The following CACNA1H variants were observed in gnomAD, a reference collection of about 807,000 sequenced individuals.
CACNA1H encodes the protein voltage-dependent T-type calcium channel subunit alpha-1H.
Under a neutral mutation model 192.5 loss-of-function variants are expected in CACNA1H, and 149 were observed. The observed-to-expected ratio is 0.77, with a 90% CI of 0.68 to 0.89. The LOEUF is 0.89. Among genes scored for constraint, CACNA1H ranks in the 40% least tolerant of loss-of-function variants. The pLI is 0.00. For missense variants in CACNA1H, 4,257 were observed against 3,423.5 expected (o/e 1.24, Z -6.08); for synonymous variants, 2,202 against 1,475.2 (o/e 1.49, Z -11.29).
At chr16:1,186,930 C>T (rs1395454118) in intron 2 of CACNA1H, among the ~76,000 whole-genome samples, 1 of 152,164 alleles carries the variant, frequency 6.6e-6, no homozygotes, top group African/African-American at 2.4e-5. Flanking sequence ...TGGACACGGA[C>T]ACAGGGCTGG....
chr16:1,209,861 C>T (rs574564121), intron 17 of CACNA1H, among the ~76,000 whole-genome samples, 174 bp from the exon 18 acceptor site: 2 of 152,178 alleles, frequency 1.3e-5, no homozygotes, highest in Admixed American at 6.5e-5. Context: ...GGAGGCTCCA[C>T]GGTATGGGCC....
At chr16:1,197,948 C>T (rs1272009457) in intron 5 of CACNA1H, among the ~76,000 whole-genome samples, 1 of 152,164 alleles carries the variant, frequency 6.6e-6, no homozygotes, top group Non-Finnish European at 1.5e-5. Context: ...CCATAGCACC[C>T]AGGACCGATG....
At chr16:1,164,412 C>T (rs983842807) in intron 2 of CACNA1H, among the ~76,000 whole-genome samples, 1 of 152,150 alleles carries the variant, frequency 6.6e-6, no homozygotes, top group African/African-American at 2.4e-5. Context: ...CCCTCACTGC[C>T]ACCTCGATCT....
Position 1,210,631 on chromosome 16 carries a change from G to C in CACNA1H, c.4018G>C (p.Val1340Leu). The C allele has an allele frequency of 6.2e-7, 1 of 1,605,746 alleles. No homozygotes were observed. The highest frequency in any genetic ancestry group is 1.7e-5 in the Admixed American group (1 of 59,980). ...VSNYIFTAIF[V>L]AEMMVKVVAL... ...CAATTACATCTTCACGGCCATCTTC[G>C]TGGCGGAGATGATGGTGAAGGTACC... Residue 1340 changes from valine to leucine, a missense_variant, in exon 20 of 35, where the codon GTG (valine) becomes CTG (leucine). By Grantham distance (32) the Val-to-Leu change is conservative. Transcript: ENST00000348261.
chr16:1,159,524 G>C (rs535969438), intron 2 of CACNA1H: 1 of 152,368 alleles, frequency 6.6e-6, no homozygotes, highest in African/African-American at 2.4e-5. Flanking sequence ...GCCTGCCCTC[G>C]GGAGCTTGAG....
rs979470112 is a variant in CACNA1H at position 1,221,614 on chromosome 16, A to G, written c.*620A>G. The G allele has an allele frequency of 2.8e-5, 20 of 717,844 alleles. No individual in the cohort carries two copies. Among genetic ancestry groups the G allele is most frequent in the Admixed American group, 1.3e-4 (4 of 31,706 alleles). 44.5% of individuals were successfully genotyped at this position (717,844 alleles called of 1,614,324 possible). A position where few individuals can be genotyped will look rare whatever the true frequency, so the allele number is the denominator to read the frequency against. ...CCGATGCGAATCAGGCCTCCCCTAC[A>G]TCTGGGGGCGTTGGCCGCGAGATTC... On this transcript the variant is annotated 3_prime_UTR_variant, in exon 35 of 35. Coordinates refer to ENST00000348261, the MANE Select transcript of CACNA1H (RefSeq NM_021098.3).
intron 9 of CACNA1H, among the ~76,000 whole-genome samples, chr16:1,202,874 G>T (rs955786285): frequency 2.0e-5 from 3 of 152,244 alleles, no homozygotes; most frequent in East Asian, 1.9e-4. Flanking sequence ...GACGCTGAGT[G>T]GGGGAGTGTG....
At position 1,220,845 on chromosome 16, in the gene CACNA1H, C is replaced by G. The variant is rs553649904; in HGVS notation, c.6913C>G (p.Pro2305Ala). ...TTCAGGGGCCATAGTGCCCCTGGAACCCCCAGAATCAGAGCCTCCCATGCC... is the reference window on the plus strand; with the variant it reads ...TTCAGGGGCCATAGTGCCCCTGGAAGCCCCAGAATCAGAGCCTCCCATGCC... The part of the protein sequence containing the change: ...SSSGAIVPLE[P>A]PESEPPMPVG... Residue 2305 changes from proline (P) to alanine (A), a missense_variant, in exon 35 of 35, where the codon CCC (proline) becomes GCC (alanine). By Grantham distance (27) the Pro-to-Ala change is conservative (BLOSUM62 -1). Coordinates refer to ENST00000348261, the MANE Select transcript of CACNA1H (RefSeq NM_021098.3). 8 of 1,612,770 alleles carry G rather than the reference C, an allele frequency of 5.0e-6. No homozygotes were observed. Among genetic ancestry groups the G allele is most frequent in the Non-Finnish European group, 6.8e-6 (8 of 1,179,788 alleles).
chr16:1,211,026 C>G lies in CACNA1H; in HGVS notation c.4223+55C>G, dbSNP rs534178346. ...AACCTGGAAGCACAGTCCCCTGACG[C>G]CACTGCCCATTACTCCTCCCGCAGT... On this transcript the variant is annotated intron_variant, in intron 21 of 34. Coordinates refer to ENST00000348261, the MANE Select transcript of CACNA1H (RefSeq NM_021098.3). The G allele has an allele frequency of 2.8e-5, 43 of 1,559,424 alleles. No individual in the cohort carries two copies. The East Asian group carries it at 8.8e-4, about 32-fold the overall frequency.
chr16:1,213,898 C>T lies in CACNA1H; in HGVS notation c.4896C>T (p.Ile1632=), dbSNP rs780858541. 2.5e-6 allele frequency: 4 copies of T among 1,611,960 alleles called. No homozygotes were observed. The highest frequency in any genetic ancestry group is 2.2e-5 in the East Asian group (1 of 44,812). ...CCTTCATCATCTGTGTCAACGTCATCACCATGTCCATGGAGCACTATAACC... is the reference window on the plus strand; with the variant it reads ...CCTTCATCATCTGTGTCAACGTCATTACCATGTCCATGGAGCACTATAACC... ...FITFIICVNV[I]TMSMEHYNQP... Residue 1632 remains isoleucine (I), a synonymous_variant, in exon 27 of 35, where the codon ATC becomes ATT. Coordinates refer to ENST00000348261, the MANE Select transcript of CACNA1H (RefSeq NM_021098.3).
At chr16:1,198,530 G>A (rs1967273431) in intron 5 of CACNA1H, 85 bp from the exon 6 acceptor site, 5 of 1,482,274 alleles carry the variant, frequency 3.4e-6, no homozygotes, top group Middle Eastern at 3.6e-4. Flanking sequence ...CAGTGGACGG[G>A]GCTCGGGGGT....
In CACNA1H at chr16:1,221,541, G is replaced by A. The variant is rs1970480144; in HGVS notation, c.*547G>A. The A allele has an allele frequency of 2.0e-6, 1 of 499,104 alleles. No homozygotes were observed. Among genetic ancestry groups the A allele is most frequent in the Non-Finnish European group, 3.5e-6 (1 of 282,938 alleles). The allele number at this position is 499,104 out of a possible 1,614,324, so 30.9% of individuals were successfully genotyped here. A position where few individuals can be genotyped will look rare whatever the true frequency, so the allele number is the denominator to read the frequency against. ...AGAAGCGTCCTGTGACTCTGGGAGA[G>A]GTGACACCTCACTAAGGGGCCGACC... On this transcript the variant is annotated 3_prime_UTR_variant, in exon 35 of 35. Transcript: ENST00000348261.
At position 1,153,723 on chromosome 16, in the gene CACNA1H, C is replaced by T; in HGVS notation, c.-15C>T. ...GGTCACCCCCTGTCCTCTGCAGGTGCTGCCGGCCGCCACCATGACCGAGGG... is the reference window on the plus strand; with the variant it reads ...GGTCACCCCCTGTCCTCTGCAGGTGTTGCCGGCCGCCACCATGACCGAGGG... On this transcript the variant is annotated 5_prime_UTR_variant, in exon 2 of 35. Transcript: ENST00000348261. The T allele has an allele frequency of 8.3e-7, 1 of 1,202,700 alleles. No individual in the cohort carries two copies. Among genetic ancestry groups the T allele is most frequent in the Non-Finnish European group, 1.0e-6 (1 of 969,670 alleles). 74.5% of individuals were successfully genotyped at this position (1,202,700 alleles called of 1,614,324 possible). A position where few individuals can be genotyped will look rare whatever the true frequency, so the allele number is the denominator to read the frequency against.
intron 2 of CACNA1H, among the ~76,000 whole-genome samples, chr16:1,190,602 G>A (rs887712418): frequency 4.6e-5 from 7 of 152,218 alleles, no homozygotes; most frequent in African/African-American, 7.2e-5. Context: ...TGGGAGGCGC[G>A]CAATACGCCT....
chr16:1,215,496 C>T, intron 29 of CACNA1H, 27 bp from the exon 30 acceptor site: 2 of 1,607,652 alleles, frequency 1.2e-6, no homozygotes, highest in Non-Finnish European at 1.7e-6. Context: ...CCGCCCAGCC[C>T]TGCTGACGCT....
Position 1,184,310 on chromosome 16 carries a change from GAGGCCA to G in CACNA1H, c.300-10661_300-10656del, listed in dbSNP as rs745309955. On this transcript the variant is annotated intron_variant, in intron 2 of 34. Transcript: ENST00000348261. ...GCTTTGGGCCTTACTGCCCGAGGCA[GAGGCCA>G]GAGGCCGGACTGTGGAGGCCGGCAA... Among the ~76,000 whole-genome samples the G allele has an allele frequency of 4.0e-3, 607 of 152,398 alleles. 3 individuals are homozygous for G. Among genetic ancestry groups the G allele is most frequent in the South Asian group, 0.014 (69 of 4,832 alleles).
At chr16:1,197,999 C>T (rs564072984) in intron 5 of CACNA1H, among the ~76,000 whole-genome samples, 6 of 152,288 alleles carry the variant, frequency 3.9e-5, no homozygotes, top group East Asian at 1.9e-4. Flanking sequence ...CCGGTCCTCC[C>T]CACCGCCTCC....
At position 1,200,286 on chromosome 16, in the gene CACNA1H, C is replaced by A; in HGVS notation, c.834C>A (p.Tyr278Ter). 2 of 1,604,834 alleles carry A rather than the reference C, an allele frequency of 1.2e-6. No individual in the cohort carries two copies. Among genetic ancestry groups the A allele is most frequent in the Non-Finnish European group, 1.7e-6 (2 of 1,175,806 alleles). Residue 278 changes from tyrosine (Y) to a stop codon, truncating the protein, a stop_gained, in exon 7 of 35, where the codon TAC (tyrosine) becomes TAA (stop). Coordinates refer to ENST00000348261, the MANE Select transcript of CACNA1H (RefSeq NM_021098.3). LOFTEE classifies it high-confidence loss of function. Reference protein sequence around the residue: ...RNNNLTFLRPYYQTEEGEENP... With the variant: ...RNNNLTFLRP ...ACAACCTGACCTTCCTGCGGCCGTA[C>A]TACCAGACGGAGGAGGGCGAGGAGA...
chr16:1,179,309 C>T (rs1213704506), intron 2 of CACNA1H, among the ~76,000 whole-genome samples: 1 of 152,142 alleles, frequency 6.6e-6, no homozygotes, highest in South Asian at 2.1e-4. Context: ...ACCTCAGTCA[C>T]CAGGCTGTGG....
Sources: allele counts gnomAD v4.1 joint callset (sites outside exome capture counted in the v4.1 genomes callset), GRCh38; gene constraint gnomAD v4.1.1; transcripts MANE v1.5; gene names NCBI Gene and HGNC (gene_info 2026-07-23, HGNC 2026-07-21).